Variants in SLC9A9 observed in about 807,000 individuals in gnomAD.
SLC9A9 encodes solute carrier family 9 member A9.
A neutral mutation model predicts 77.8 loss-of-function variants in SLC9A9; 62 were observed. The observed-to-expected ratio is 0.80, with a 90% CI of 0.65 to 0.98. The LOEUF (loss-of-function observed/expected upper bound fraction) is 0.98, where lower values mean the gene tolerates loss of function less well. Among genes scored for constraint, SLC9A9 ranks in the 50% least tolerant of loss-of-function variants. SLC9A9 has a pLI of 0.00. For synonymous variants in SLC9A9, 320 were observed against 283.5 expected, an observed-to-expected ratio of 1.13 and a Z score of -1.29; for missense variants, 775 against 774.9, an observed-to-expected ratio of 1.00 and a Z score of 0.00.
At chr3:143,613,111 T>C (rs1425611138) in intron 6 of SLC9A9, among the ~76,000 whole-genome samples, 1 of 152,256 alleles carries the variant, frequency 6.6e-6, no homozygotes, top group Admixed American at 6.5e-5. Flanking sequence ...CATTTTTCTA[T>C]GGCAAACTGC....
intron 13 of SLC9A9, among the ~76,000 whole-genome samples, chr3:143,368,941 G>A (rs549562130): frequency 6.6e-6 from 1 of 152,144 alleles, no homozygotes; most frequent in Non-Finnish European, 1.5e-5. Context: ...TGCATAGAAA[G>A]CAGTTTATAA....
intron 9 of SLC9A9, chr3:143,517,829 A>G (rs1576548937): frequency 3.1e-6 from 5 of 1,601,384 alleles, no homozygotes; most frequent in Non-Finnish European, 4.2e-6. Flanking sequence ...GAATAAGTCA[A>G]TGGCTTTCTG....
chr3:143,719,225 T>C (rs374463762), intron 4 of SLC9A9, among the ~76,000 whole-genome samples: 1 of 152,206 alleles, frequency 6.6e-6, no homozygotes, highest in Non-Finnish European at 1.5e-5. Context: ...TGCCATCTTA[T>C]AGTCTACAAA....
At chr3:143,530,344 A>T (rs35275446) in intron 9 of SLC9A9, among the ~76,000 whole-genome samples, 23,678 of 152,058 alleles carry the variant, frequency 0.16, 2,265 homozygotes, top group Non-Finnish European at 0.21. Context: ...GGTAGTGAAT[A>T]AGTCTCACGA....
chr3:143,746,781 T>G (rs2108820975), intron 4 of SLC9A9, among the ~76,000 whole-genome samples: 1 of 152,194 alleles, frequency 6.6e-6, no homozygotes, highest in East Asian at 1.9e-4. Flanking sequence ...GAAAAATATT[T>G]GGCTAAAATG....
At chr3:143,374,422 C>CAAAAAAAAAAAAAAAAAAAAAAAAAAAA (rs34787603) in intron 13 of SLC9A9, among the ~76,000 whole-genome samples, 1 of 67,460 alleles carries the variant, frequency 1.5e-5, no homozygotes, top group Non-Finnish European at 2.7e-5. Flanking sequence ...GACTCTGTCT[C>CAAAAAAAAAAAAAAAAAAAAAAAAAAAA]AAAAAAAAAA....
chr3:143,794,122 C>T (rs142127927), intron 4 of SLC9A9, among the ~76,000 whole-genome samples: 192 of 152,278 alleles, frequency 1.3e-3, no homozygotes, highest in Non-Finnish European at 2.2e-3. Flanking sequence ...GTAAAGACAC[C>T]GCCTGACACT....
rs1002671867 is a variant in SLC9A9, at chr3:143,266,414, T to C, written c.*288A>G. The C allele has an allele frequency of 1.8e-6, 1 of 551,912 alleles. No individual in the cohort carries two copies. The highest frequency in any genetic ancestry group is 3.2e-6 in the Non-Finnish European group (1 of 308,438). 34.2% of individuals were successfully genotyped at this position (551,912 alleles called of 1,614,324 possible). A position where few individuals can be genotyped will look rare whatever the true frequency, so the allele number is the denominator to read the frequency against. On this transcript the variant is annotated 3_prime_UTR_variant, in exon 16 of 16. Coordinates refer to ENST00000316549, the MANE Select transcript of SLC9A9 (RefSeq NM_173653.4). ...ATGCCCTGAAGACCCAGCACAGCTG[T>C]CCCATCCTCCAGCAGCTAGACTCCT...
At chr3:143,583,883 C>A (rs13064748) in intron 6 of SLC9A9, among the ~76,000 whole-genome samples, 16,987 of 152,200 alleles carry the variant, frequency 0.11, 1,163 homozygotes, top group East Asian at 0.16. Flanking sequence ...CCAGGCCTAC[C>A]ATCTTTGGGT....
At chr3:143,531,608 A>T (rs2036511367) in intron 9 of SLC9A9, among the ~76,000 whole-genome samples, 1 of 152,220 alleles carries the variant, frequency 6.6e-6, no homozygotes, top group Non-Finnish European at 1.5e-5. Flanking sequence ...TGTATAATAC[A>T]ATATGTGGGT....
At chr3:143,348,935 C>G (rs977114096) in intron 14 of SLC9A9, among the ~76,000 whole-genome samples, 12 of 152,176 alleles carry the variant, frequency 7.9e-5, no homozygotes. Context: ...AGCCTGGGCT[C>G]AAAATCAGAA....
intron 2 of SLC9A9, among the ~76,000 whole-genome samples, chr3:143,816,720 C>T (rs2009028049): frequency 6.6e-6 from 1 of 152,152 alleles, no homozygotes; most frequent in African/African-American, 2.4e-5. Flanking sequence ...AAACCTTCAA[C>T]TTTAGTAGGT....
In SLC9A9 at chr3:143,804,009, C is replaced by G. The variant is rs150331337; in HGVS notation, c.379-7106G>C. The stretch of plus-strand genomic sequence containing the variant: ...CTCCTTATATTAACTCTACTCCCCC[C>G]TTATGTGGACCCCTCACAACACAAA... On this transcript the variant is annotated intron_variant, in intron 2 of 15. Transcript: ENST00000316549. Among the ~76,000 whole-genome samples, 10 of 152,284 alleles carry G rather than the reference C, an allele frequency of 6.6e-5. No individual in the cohort carries two copies. The East Asian group carries it at 7.7e-4, about 12-fold the overall frequency.
chr3:143,475,438 C>G (rs1559932156), intron 11 of SLC9A9, among the ~76,000 whole-genome samples: 1 of 152,074 alleles, frequency 6.6e-6, no homozygotes, highest in Non-Finnish European at 1.5e-5. Flanking sequence ...GGTAGGTGCT[C>G]TGCAAGCAAT....
At chr3:143,737,707 A>G (rs1934976742) in intron 4 of SLC9A9, among the ~76,000 whole-genome samples, 1 of 152,218 alleles carries the variant, frequency 6.6e-6, no homozygotes, top group African/African-American at 2.4e-5. Context: ...AGAAAACATG[A>G]CCTTCTAGCA....
intron 6 of SLC9A9, among the ~76,000 whole-genome samples, chr3:143,631,862 T>G (rs2038428608): frequency 6.6e-6 from 1 of 152,152 alleles, no homozygotes; most frequent in African/African-American, 2.4e-5. Flanking sequence ...TAAAAAACAC[T>G]TTGCTAGTCA....
intron 12 of SLC9A9, among the ~76,000 whole-genome samples, chr3:143,451,053 C>G (rs561025701): frequency 1.3e-5 from 2 of 152,042 alleles, no homozygotes; most frequent in Non-Finnish European, 2.9e-5. Context: ...GACAGTGCCA[C>G]CAAGAAGAAA....
At chr3:143,603,319 A>G (rs963598679) in intron 6 of SLC9A9, among the ~76,000 whole-genome samples, 1 of 152,184 alleles carries the variant, frequency 6.6e-6, no homozygotes, top group Admixed American at 6.5e-5. Flanking sequence ...GATGGCCCTC[A>G]ATGATCCCTG....
intron 12 of SLC9A9, among the ~76,000 whole-genome samples, chr3:143,390,751 C>A (rs2033542805): frequency 6.6e-6 from 1 of 152,250 alleles, no homozygotes. Flanking sequence ...CACTCCCACC[C>A]TAATACCACA....
Sources: allele counts gnomAD v4.1 joint callset (sites outside exome capture counted in the v4.1 genomes callset), GRCh38; gene constraint gnomAD v4.1.1; transcripts MANE v1.5; gene names NCBI Gene and HGNC (gene_info 2026-07-23, HGNC 2026-07-21).